Variants in ABCD4 observed in about 807,000 individuals in gnomAD.
ABCD4 encodes the protein lysosomal cobalamin transporter ABCD4.
ABCD4 carries 53 observed loss-of-function variants against 86.3 expected under a neutral mutation model. The ratio of observed to expected loss-of-function variants is 0.61; its 90% CI spans 0.49 to 0.77. The LOEUF (loss-of-function observed/expected upper bound fraction) is 0.77. Ranked by LOEUF, ABCD4 falls within the 30% of genes least tolerant of loss-of-function variation. The probability of loss-of-function intolerance (pLI) is 0.00; values close to 1 mark genes in which losing one functional copy is unlikely to be tolerated. For missense variants in ABCD4, 757 were observed against 764.5 expected (o/e 0.99, Z 0.12); for synonymous variants, 328 against 313.6 (o/e 1.05, Z -0.49).
At chr14:74,286,867 C>A in intron 17 of ABCD4, 51 bp from the exon 18 acceptor site, 1 of 1,545,422 alleles carries the variant, frequency 6.5e-7, no homozygotes, top group Non-Finnish European at 8.9e-7. Flanking sequence ...CCTCTGCCGC[C>A]GCTGCTTCTC....
At chr14:74,293,509 C>T in intron 7 of ABCD4, 1 of 370,414 alleles carries the variant, frequency 2.7e-6, no homozygotes, top group Non-Finnish European at 4.8e-6. Flanking sequence ...GTGACACAGG[C>T]AGGCTACTTA....
rs139315421 is a variant in ABCD4 at position 74,293,216 on chromosome 14, C to A, written c.752G>T (p.Arg251Leu). Residue 251 changes from arginine to leucine, a missense_variant, in exon 8 of 19, where the codon CGC becomes CTC. Transcript: ENST00000356924. ...AGHVEHMRTD[R>L]RLQRLLQTQR... ...GGTCTGAAGGAGTCTCTGCAGCCTGCGGTCTGTCCTCATGTGCTCCACATG... is the reference window on the plus strand; with the variant it reads ...GGTCTGAAGGAGTCTCTGCAGCCTGAGGTCTGTCCTCATGTGCTCCACATG... 1 of 1,614,140 alleles carries A rather than the reference C, an allele frequency of 6.2e-7. No individual in the cohort carries two copies. Among genetic ancestry groups the A allele is most frequent in the Non-Finnish European group, 8.5e-7 (1 of 1,180,022 alleles).
intron 3 of ABCD4, among the ~76,000 whole-genome samples, 163 bp from the exon 4 acceptor site, chr14:74,298,232 G>GA (rs2083389820): frequency 6.6e-6 from 1 of 152,146 alleles, no homozygotes; most frequent in African/African-American, 2.4e-5. Flanking sequence ...CGAGTCATGG[G>GA]ACTTTCCCTT....
chr14:74,288,172 G>C (rs201957796), intron 16 of ABCD4, 35 bp downstream of exon 16: 1 of 1,607,812 alleles, frequency 6.2e-7, no homozygotes, highest in East Asian at 2.2e-5. Flanking sequence ...CTTTATGGTG[G>C]GGCTATCTCT....
At chr14:74,297,873 T>TTC in intron 4 of ABCD4, 57 bp downstream of exon 4, 2 of 1,553,814 alleles carry the variant, frequency 1.3e-6, no homozygotes, top group Non-Finnish European at 1.7e-6. Flanking sequence ...TCTCCAGGGC[T>TTC]AGGCCAGAAG....
At position 74,300,134 on chromosome 14, in the gene ABCD4, G is replaced by A. The variant is rs1441683256; in HGVS notation, c.157+16C>T. On this transcript the variant is annotated intron_variant, in intron 2 of 18. Coordinates refer to ENST00000356924, the MANE Select transcript of ABCD4 (RefSeq NM_005050.4). ...AGAGCTCCCCTCCCTCCTCTAGTCT[G>A]GGCTCACTCACTCACCCAGTAGGGT... The A allele has an allele frequency of 1.3e-6, 2 of 1,527,562 alleles. No homozygotes were observed. The highest frequency in any genetic ancestry group is 1.7e-5 in the Admixed American group (1 of 59,570). 94.6% of individuals were successfully genotyped at this position (1,527,562 alleles called of 1,614,324 possible).
chr14:74,289,327 C>T, intron 14 of ABCD4, 156 bp downstream of exon 14: 1 of 1,443,248 alleles, frequency 6.9e-7, no homozygotes, highest in Non-Finnish European at 9.1e-7. Context: ...GGTACAGACC[C>T]CAAAACAGTC....
intron 8 of ABCD4, 80 bp from the exon 9 acceptor site, chr14:74,292,949 G>T: frequency 6.3e-7 from 1 of 1,596,622 alleles, no homozygotes; most frequent in Non-Finnish European, 8.5e-7. Context: ...CAGGGAGCAG[G>T]ACGCCAAGTA....
chr14:74,298,198 C>G, intron 3 of ABCD4, 129 bp from the exon 4 acceptor site: 2 of 1,457,034 alleles, frequency 1.4e-6, no homozygotes, highest in Non-Finnish European at 1.8e-6. Context: ...TCCGTCCACT[C>G]AGCACTTTTC....
intron 1 of ABCD4, among the ~76,000 whole-genome samples, 160 bp downstream of exon 1, chr14:74,302,715 G>C (rs1020463198): frequency 2.0e-5 from 3 of 152,250 alleles, no homozygotes; most frequent in Non-Finnish European, 2.9e-5. Flanking sequence ...TAGAGCGGCG[G>C]GAGGGCGGAC....
Position 74,288,721 on chromosome 14 carries a change from C to T in ABCD4, c.1501G>A (p.Gly501Ser). 6.2e-7 allele frequency: 1 copy of T among 1,613,716 alleles called. No individual in the cohort carries two copies. Among genetic ancestry groups the T allele is most frequent in the African/African-American group, 1.3e-5 (1 of 75,036 alleles). Residue 501 changes from glycine to serine, a missense_variant, in exon 15 of 19, where the codon GGC (glycine) becomes AGC (serine). Physicochemically the swap from Gly to Ser is moderately conservative, Grantham distance 56. Transcript: ENST00000356924. The part of the protein sequence containing the change: ...ERILRFLELA[G>S]LSNLVARTEG... ...GGGTCCCTCTCCCCACTTACCAGGC[C>T]TGCCAATTCCAAGAACCTCAAGATC...
chr14:74,288,042 AGAGT>A, intron 16 of ABCD4, 156 bp from the exon 17 acceptor site: 1 of 1,033,150 alleles, frequency 9.7e-7, no homozygotes, highest in South Asian at 1.5e-5. Context: ...CAGCCCTCAC[AGAGT>A]GAGGCAAAAC....
At chr14:74,291,462 T>A (rs1042554351) in intron 11 of ABCD4, among the ~76,000 whole-genome samples, 1 of 152,232 alleles carries the variant, frequency 6.6e-6, no homozygotes, top group Non-Finnish European at 1.5e-5. Flanking sequence ...TGGGTCTTCA[T>A]GGCATCACAG....
chr14:74,286,598 T>C (rs894417417), intron 18 of ABCD4, 69 bp from the exon 19 acceptor site: 59 of 1,611,742 alleles, frequency 3.7e-5, no homozygotes, highest in Non-Finnish European at 4.9e-5. Context: ...CACTCGGTTC[T>C]CTCTGCTACT....
chr14:74,286,448 A>G lies in ABCD4; in HGVS notation c.*13T>C, dbSNP rs1421537759. The G allele has an allele frequency of 6.2e-7, 1 of 1,613,800 alleles. No individual in the cohort carries two copies. The highest frequency in any genetic ancestry group is 1.3e-5 in the African/African-American group (1 of 74,926). On this transcript the variant is annotated 3_prime_UTR_variant, in exon 19 of 19. Coordinates refer to ENST00000356924, the MANE Select transcript of ABCD4 (RefSeq NM_005050.4). ...CCCGCCACAGTGTGGCTCTCCTTCC[A>G]AAAGCCAGAGCTTCATTCCACTTTG...
At chr14:74,298,346 A>G (rs921510823) in intron 3 of ABCD4, among the ~76,000 whole-genome samples, 1 of 152,092 alleles carries the variant, frequency 6.6e-6, no homozygotes, top group Non-Finnish European at 1.5e-5. Flanking sequence ...ATCTTGGCTC[A>G]CCACAACCTC....
chr14:74,297,871 G>T, intron 4 of ABCD4, 59 bp downstream of exon 4: 1 of 1,550,984 alleles, frequency 6.4e-7, no homozygotes, highest in Non-Finnish European at 8.7e-7. Flanking sequence ...AGTCTCCAGG[G>T]CTAGGCCAGA....
rs915657689 is a variant in ABCD4 at position 74,297,642 on chromosome 14, G to A, written c.425+288C>T. 1.4e-5 allele frequency: 14 copies of A among 976,954 alleles called. No homozygotes were observed. In the African/African-American group the frequency reaches 2.2e-4, roughly 16 times the overall value. The allele number at this position is 976,954 out of a possible 1,614,324, so 60.5% of individuals were successfully genotyped here. ...GGCTATTCCCAAGTGTGCTCACGGT[G>A]CACTACTCCTGGGCTCAAGTGATCC... On this transcript the variant is annotated intron_variant, in intron 4 of 18. Transcript: ENST00000356924.
chr14:74,292,459 C>T, intron 10 of ABCD4, 83 bp from the exon 11 acceptor site: 4 of 1,586,268 alleles, frequency 2.5e-6, no homozygotes, highest in Non-Finnish European at 2.6e-6. Flanking sequence ...CCCACGAGTA[C>T]ATGGTATGTC....
Sources: allele counts gnomAD v4.1 joint callset (sites outside exome capture counted in the v4.1 genomes callset), GRCh38; gene constraint gnomAD v4.1.1; transcripts MANE v1.5; gene names NCBI Gene and HGNC (gene_info 2026-07-23, HGNC 2026-07-21).